The following STX17 variants were observed in gnomAD, a reference collection of about 807,000 sequenced individuals.
STX17 encodes syntaxin 17.
In STX17, 29 loss-of-function variants were observed where a neutral mutation model predicts 35.9. The observed-to-expected ratio is 0.81, with a 90% CI of 0.60 to 1.10. STX17 has a LOEUF of 1.10. STX17 is among the 50% of genes least tolerant of loss of function. The pLI, the probability that STX17 is intolerant of heterozygous loss-of-function variation, is 0.00. For synonymous variants in STX17, 92 were observed against 118.3 expected (o/e 0.78, Z 1.44); for missense variants, 312 against 352.3 (o/e 0.89, Z 0.92).
intron 3 of STX17, among the ~76,000 whole-genome samples, chr9:99,933,450 A>G (rs1829165797): frequency 6.6e-6 from 1 of 152,168 alleles, no homozygotes; most frequent in African/African-American, 2.4e-5. Flanking sequence ...AGCTTTTCAA[A>G]GTCCATACAC....
intron 2 of STX17, chr9:99,915,972 T>TG: frequency 2.2e-6 from 1 of 450,882 alleles, no homozygotes; most frequent in Non-Finnish European, 4.4e-6. Flanking sequence ...CTAATGTACC[T>TG]GCCTTAATTT....
At position 99,960,162 on chromosome 9, in the gene STX17, A is replaced by G. The variant is rs758578773; in HGVS notation, c.582+7A>G. 6 of 1,613,160 alleles carry G rather than the reference A, an allele frequency of 3.7e-6. No homozygotes were observed. The highest frequency in any genetic ancestry group is 5.1e-6 in the Non-Finnish European group (6 of 1,179,520). ...CTTCTCTCTCCTAGTGAATGTAAGTATATAACTGTTTTGGATGCAGAATTG... is the reference window on the plus strand; with the variant it reads ...CTTCTCTCTCCTAGTGAATGTAAGTGTATAACTGTTTTGGATGCAGAATTG... On this transcript the variant is annotated splice_region_variant and intron_variant, in intron 6 of 7. Coordinates refer to ENST00000259400, the MANE Select transcript of STX17 (RefSeq NM_017919.3).
intron 4 of STX17, among the ~76,000 whole-genome samples, chr9:99,952,804 C>G (rs1442162450): frequency 6.7e-6 from 1 of 149,254 alleles, no homozygotes; most frequent in East Asian, 2.0e-4. Flanking sequence ...ACTGCATGTT[C>G]TCACTCATAG....
At chr9:99,955,007 T>C (rs1385740494) in intron 4 of STX17, among the ~76,000 whole-genome samples, 1 of 152,048 alleles carries the variant, frequency 6.6e-6, no homozygotes, top group Non-Finnish European at 1.5e-5. Context: ...CTGTCTCACT[T>C]GTGTGTCTGG....
In STX17 at chr9:99,969,377, C is replaced by T. The variant is rs1481700118; in HGVS notation, c.*704C>T. On this transcript the variant is annotated 3_prime_UTR_variant, in exon 8 of 8. Coordinates refer to ENST00000259400, the MANE Select transcript of STX17 (RefSeq NM_017919.3). ...CAAGCTTGGTCTGTCAGCCTGTCTTCTAACACCTCAAAGATCTTGTGCCCT... is the reference window on the plus strand; with the variant it reads ...CAAGCTTGGTCTGTCAGCCTGTCTTTTAACACCTCAAAGATCTTGTGCCCT... 2.0e-5 allele frequency: 3 copies of T among 152,162 alleles called. No homozygotes were observed. Among genetic ancestry groups the T allele is most frequent in the Non-Finnish European group, 4.4e-5 (3 of 68,042 alleles). The allele number at this position is 152,162 out of a possible 1,614,324, so 9.4% of individuals were successfully genotyped here.
chr9:99,966,614 AAAAAC>A (rs1423054560), intron 6 of STX17, among the ~76,000 whole-genome samples: 1 of 152,216 alleles, frequency 6.6e-6, no homozygotes, highest in Non-Finnish European at 1.5e-5. Context: ...TGCACATTAA[AAAAAC>A]AAAACCAAAA....
chr9:99,928,934 T>G (rs1005802335), intron 3 of STX17, 91 bp downstream of exon 3: 8 of 1,068,132 alleles, frequency 7.5e-6, no homozygotes, highest in Non-Finnish European at 1.1e-5. Flanking sequence ...AGCTGAACCC[T>G]TTTATACACA....
At chr9:99,922,676 C>T (rs1394631604) in intron 2 of STX17, among the ~76,000 whole-genome samples, 2 of 152,210 alleles carry the variant, frequency 1.3e-5, no homozygotes, top group African/African-American at 4.8e-5. Flanking sequence ...ACTTGCAGAG[C>T]CCCATTCCAG....
intron 3 of STX17, among the ~76,000 whole-genome samples, chr9:99,931,127 C>T (rs753814594): frequency 5.1e-4 from 77 of 152,100 alleles, no homozygotes; most frequent in South Asian, 4.1e-4. Flanking sequence ...ACTACAGATG[C>T]GTGCCACCAT....
intron 2 of STX17, among the ~76,000 whole-genome samples, chr9:99,917,951 C>T (rs1034437162): frequency 9.9e-5 from 15 of 152,124 alleles, no homozygotes; most frequent in African/African-American, 3.6e-4. Context: ...AGTGGCTGCT[C>T]AGCAATCATC....
intron 3 of STX17, among the ~76,000 whole-genome samples, chr9:99,949,549 A>T (rs1447850473): frequency 6.6e-6 from 1 of 151,108 alleles, no homozygotes; most frequent in Non-Finnish European, 1.5e-5. Context: ...AATCCTAAAC[A>T]GGTTTTTTTT....
intron 3 of STX17, among the ~76,000 whole-genome samples, chr9:99,936,719 C>G (rs1028382706): frequency 6.6e-6 from 1 of 152,144 alleles, no homozygotes; most frequent in African/African-American, 2.4e-5. Flanking sequence ...TATTTCTCCT[C>G]TACCAGCCTA....
chr9:99,913,524 A>AT (rs1020105089), intron 1 of STX17, among the ~76,000 whole-genome samples: 6 of 151,882 alleles, frequency 4.0e-5, no homozygotes, highest in African/African-American at 9.7e-5. Context: ...CATAATATCT[A>AT]TTTTTTTAAA....
At chr9:99,919,959 G>A (rs901121129) in intron 2 of STX17, among the ~76,000 whole-genome samples, 1 of 152,116 alleles carries the variant, frequency 6.6e-6, no homozygotes, top group Non-Finnish European at 1.5e-5. Context: ...CTTATTTATT[G>A]TTAATCTGTG....
chr9:99,958,468 AT>A (rs1829757962), intron 4 of STX17, among the ~76,000 whole-genome samples: 1 of 152,254 alleles, frequency 6.6e-6, no homozygotes, highest in African/African-American at 2.4e-5. Flanking sequence ...GCAGTAACTA[AT>A]TTATTGAGCA....
At chr9:99,951,646 A>G (rs1180349772) in intron 4 of STX17, among the ~76,000 whole-genome samples, 4 of 152,032 alleles carry the variant, frequency 2.6e-5, no homozygotes, top group Admixed American at 2.6e-4. Context: ...TTTCTTAAGC[A>G]TTCTGATTTT....
chr9:99,921,319 A>G (rs1233031777), intron 2 of STX17, among the ~76,000 whole-genome samples: 1 of 152,138 alleles, frequency 6.6e-6, no homozygotes, highest in Non-Finnish European at 1.5e-5. Context: ...GAATTCCATA[A>G]GACTTTTTTT....
chr9:99,922,086 A>T (rs918928713), intron 2 of STX17, among the ~76,000 whole-genome samples: 1 of 152,140 alleles, frequency 6.6e-6, no homozygotes, highest in African/African-American at 2.4e-5. Flanking sequence ...GCACGTCCTG[A>T]TGATACCATC....
Position 99,915,348 on chromosome 9 carries a change from A to G in STX17, c.109A>G (p.Ile37Val), listed in dbSNP as rs748696472. Residue 37 changes from isoleucine (I) to valine (V), a missense_variant, in exon 2 of 8, where the codon ATA (isoleucine) becomes GTA (valine). Ile to Val is a conservative substitution (Grantham distance 29, BLOSUM62 3). Coordinates refer to ENST00000259400, the MANE Select transcript of STX17 (RefSeq NM_017919.3). Reference sequence around the variant, plus strand: ...CCTGGAAAGGTTAAGAAAGCACCAGATAAATATTGAGAAGGTGAGCTGTTT... The same window carrying G: ...CCTGGAAAGGTTAAGAAAGCACCAGGTAAATATTGAGAAGGTGAGCTGTTT... Reference protein sequence around the residue: ...TDLERLRKHQINIEKYQRCRI... With the variant: ...TDLERLRKHQVNIEKYQRCRI... 1.9e-5 allele frequency: 31 copies of G among 1,601,458 alleles called. No homozygotes were observed. Among genetic ancestry groups the G allele is most frequent in the Non-Finnish European group, 2.5e-5 (29 of 1,175,304 alleles).
Sources: allele counts gnomAD v4.1 joint callset (sites outside exome capture counted in the v4.1 genomes callset), GRCh38; gene constraint gnomAD v4.1.1; transcripts MANE v1.5; gene names NCBI Gene and HGNC (gene_info 2026-07-23, HGNC 2026-07-21).